The following SMAD9 variants were observed in gnomAD, a reference collection of about 807,000 sequenced individuals.
SMAD9 encodes the protein MAD homolog 9.
Under a neutral mutation model 46.1 loss-of-function variants are expected in SMAD9, and 36 were observed. That is an observed-to-expected ratio of 0.78 (90% CI 0.60 to 1.03). The LOEUF (loss-of-function observed/expected upper bound fraction) is 1.03, where lower values mean the gene tolerates loss of function less well. Ranked by LOEUF, SMAD9 falls within the 50% of genes least tolerant of loss-of-function variation. The pLI is 0.00. For synonymous variants in SMAD9, 245 were observed against 237.1 expected (o/e 1.03, Z -0.31); for missense variants, 572 against 599.8 (o/e 0.95, Z 0.48).
intron 1 of SMAD9, among the ~76,000 whole-genome samples, chr13:36,903,853 T>C (rs1173920950): frequency 6.6e-6 from 1 of 152,148 alleles, no homozygotes; most frequent in Admixed American, 6.5e-5. Context: ...AACATTACTG[T>C]TGCTAATGGA....
Position 36,872,964 on chromosome 13 carries a change from G to T in SMAD9, c.413-49C>A, listed in dbSNP as rs770126168. On this transcript the variant is annotated intron_variant, in intron 2 of 6. Coordinates refer to ENST00000379826, the MANE Select transcript of SMAD9 (RefSeq NM_001127217.3). ...AGTTAGAATTGAACATTGCTCATCA[G>T]TACACAACAGAGTGGATACTTGCTG... 140 of 1,602,270 alleles carry T rather than the reference G, an allele frequency of 8.7e-5. No homozygotes were observed. In the East Asian group the frequency reaches 3.1e-3, roughly 36 times the overall value.
chr13:36,873,506 T>G (rs574576478), intron 2 of SMAD9, among the ~76,000 whole-genome samples: 1 of 152,150 alleles, frequency 6.6e-6, no homozygotes, highest in African/African-American at 2.4e-5. Flanking sequence ...GATTTCAAGG[T>G]GAGTAATTAA....
intron 1 of SMAD9, among the ~76,000 whole-genome samples, chr13:36,914,520 A>G (rs2058684545): frequency 6.6e-6 from 1 of 152,064 alleles, no homozygotes; most frequent in Non-Finnish European, 1.5e-5. Context: ...CTCCATCTCA[A>G]AAAACAAAAA....
chr13:36,881,472 C>A (rs1425643898), intron 1 of SMAD9, among the ~76,000 whole-genome samples: 1 of 152,188 alleles, frequency 6.6e-6, no homozygotes, highest in African/African-American at 2.4e-5. Flanking sequence ...GCCTTATAAC[C>A]CCCCGCTAGG....
rs757486797 is a variant in SMAD9, at chr13:36,847,634, G to A, written c.*1042C>T. 6.6e-6 allele frequency: 1 copy of A among 152,220 alleles called. No homozygotes were observed. Among genetic ancestry groups the A allele is most frequent in the Non-Finnish European group, 1.5e-5 (1 of 68,050 alleles). 9.4% of individuals were successfully genotyped at this position (152,220 alleles called of 1,614,324 possible). A position where few individuals can be genotyped will look rare whatever the true frequency, so the allele number is the denominator to read the frequency against. ...TCTAGATTTTCTCAAAGTCTTTACT[G>A]TTGCTTTAGTGATCTGCAAAGAGTT... is the stretch of plus-strand genomic sequence containing the variant. On this transcript the variant is annotated 3_prime_UTR_variant, in exon 7 of 7. Transcript: ENST00000379826.
chr13:36,889,299 C>T (rs1176910305), intron 1 of SMAD9, among the ~76,000 whole-genome samples: 1 of 152,100 alleles, frequency 6.6e-6, no homozygotes, highest in Non-Finnish European at 1.5e-5. Context: ...AAGTTGTGTG[C>T]TATTTACTTT....
Position 36,848,599 on chromosome 13 carries a change from G to A in SMAD9, c.*77C>T. On this transcript the variant is annotated 3_prime_UTR_variant, in exon 7 of 7. Transcript: ENST00000379826. ...TTTACACATGTTTTTAGAAACTTCA[G>A]TTGCAAATCTGAAATGATACAAGCC... 1 of 1,374,356 alleles carries A rather than the reference G, an allele frequency of 7.3e-7. No homozygotes were observed. Among genetic ancestry groups the A allele is most frequent in the Non-Finnish European group, 1.0e-6 (1 of 961,994 alleles). 85.1% of individuals were successfully genotyped at this position (1,374,356 alleles called of 1,614,324 possible). A position where few individuals can be genotyped will look rare whatever the true frequency, so the allele number is the denominator to read the frequency against.
chr13:36,888,674 A>C (rs756404204), intron 1 of SMAD9, among the ~76,000 whole-genome samples: 14 of 152,184 alleles, frequency 9.2e-5, no homozygotes, highest in Non-Finnish European at 1.9e-4. Flanking sequence ...TGATGGAAGT[A>C]GGCGGTGCTC....
intron 4 of SMAD9, among the ~76,000 whole-genome samples, chr13:36,866,554 G>C (rs1369654607): frequency 6.6e-6 from 1 of 152,134 alleles, no homozygotes; most frequent in Non-Finnish European, 1.5e-5. Flanking sequence ...TGCATCTAGA[G>C]TGTGTTCCTA....
intron 3 of SMAD9, among the ~76,000 whole-genome samples, chr13:36,869,778 G>A (rs368535299): frequency 6.9e-4 from 105 of 151,656 alleles, no homozygotes; most frequent in Non-Finnish European, 1.3e-3. Context: ...GCAGTGAGCC[G>A]AGATTGTGCC....
rs115579902 is a variant in SMAD9 at position 36,915,954 on chromosome 13, A to G, written c.-187+4162T>C. Among the ~76,000 whole-genome samples the G allele has an allele frequency of 6.9e-3, 1,054 of 152,334 alleles. 9 individuals are homozygous for G. Among genetic ancestry groups the G allele is most frequent in the African/African-American group, 0.024 (981 of 41,568 alleles). ...AGCAAATTCTATTTTTTCACATCAT[A>G]TTAACTTTAATACTGGATTGTTACA... On this transcript the variant is annotated intron_variant, in intron 1 of 6. Coordinates refer to ENST00000379826, the MANE Select transcript of SMAD9 (RefSeq NM_001127217.3).
chr13:36,913,931 A>G (rs1284512173), intron 1 of SMAD9, among the ~76,000 whole-genome samples: 2 of 152,166 alleles, frequency 1.3e-5, no homozygotes, highest in Non-Finnish European at 2.9e-5. Flanking sequence ...AATCACCCAT[A>G]TCATCAATCA....
chr13:36,907,706 T>C (rs573836001), intron 1 of SMAD9, among the ~76,000 whole-genome samples: 11 of 152,196 alleles, frequency 7.2e-5, no homozygotes, highest in African/African-American at 1.9e-4. Flanking sequence ...AAACGGTAAA[T>C]TGCATTACTA....
chr13:36,912,828 C>T (rs144317943), intron 1 of SMAD9, among the ~76,000 whole-genome samples: 11 of 152,250 alleles, frequency 7.2e-5, no homozygotes, highest in Admixed American at 2.0e-4. Flanking sequence ...TTATCCTTGA[C>T]AAGACTAACT....
At chr13:36,853,766 C>T (rs1341214255) in intron 5 of SMAD9, 91 bp from the exon 6 acceptor site, 2 of 1,327,586 alleles carry the variant, frequency 1.5e-6, no homozygotes, top group Non-Finnish European at 2.1e-6. Flanking sequence ...ATGTGACTCT[C>T]CCATCAGGTT....
chr13:36,912,882 T>C (rs2058672029), intron 1 of SMAD9, among the ~76,000 whole-genome samples: 1 of 151,942 alleles, frequency 6.6e-6, no homozygotes, highest in Admixed American at 6.6e-5. Flanking sequence ...TCAGGAAAAA[T>C]ACAGTCATCC....
chr13:36,916,364 T>C (rs936895748), intron 1 of SMAD9, among the ~76,000 whole-genome samples: 4 of 152,206 alleles, frequency 2.6e-5, no homozygotes, highest in Non-Finnish European at 5.9e-5. Flanking sequence ...AAGAGTATCA[T>C]AGAAGCTTTT....
chr13:36,917,512 G>A (rs564616075), intron 1 of SMAD9, among the ~76,000 whole-genome samples: 2 of 151,888 alleles, frequency 1.3e-5, no homozygotes, highest in African/African-American at 4.8e-5. Context: ...TGGTTTCAAC[G>A]TACTGCTATA....
intron 1 of SMAD9, among the ~76,000 whole-genome samples, chr13:36,895,621 T>C (rs890560344): frequency 1.2e-4 from 19 of 152,202 alleles, no homozygotes; most frequent in African/African-American, 3.9e-4. Context: ...ATTTGGGTAA[T>C]TGTTAAATAG....
Sources: gnomAD v4.1 joint callset for allele counts (sites outside exome capture counted in the v4.1 genomes callset) on GRCh38, gnomAD v4.1.1 for gene constraint, MANE v1.5 for transcripts, NCBI Gene and HGNC (gene_info 2026-07-23, HGNC 2026-07-21) for gene names.